Variants in RBFOX1 observed in about 807,000 individuals in gnomAD.
RBFOX1 encodes RNA binding fox-1 homolog 1, also known as RNA binding protein fox-1 homolog 1.
RBFOX1 carries 8 observed loss-of-function variants against 57.7 expected under a neutral mutation model. That is an observed-to-expected ratio of 0.14 (90% CI 0.08 to 0.25). The LOEUF is 0.25. RBFOX1 is among the 10% of genes least tolerant of loss of function. RBFOX1 has a pLI of 1.00. For missense variants in RBFOX1, 611 were observed against 548.5 expected (o/e 1.11, Z -1.14); for synonymous variants, 326 against 222.4 (o/e 1.47, Z -4.15).
intron 4 of RBFOX1, among the ~76,000 whole-genome samples, chr16:7,198,014 T>TTTTTTTTC (rs1183773661): frequency 3.7e-5 from 5 of 133,646 alleles, no homozygotes; most frequent in African/African-American, 1.4e-4. Flanking sequence ...TTTTTTTTTT[T>TTTTTTTTC]TTTTTTTTTG....
chr16:6,906,673 A>G (rs1487189782), intron 3 of RBFOX1, among the ~76,000 whole-genome samples: 1 of 152,060 alleles, frequency 6.6e-6, no homozygotes, highest in Non-Finnish European at 1.5e-5. Context: ...TGGGACTTAA[A>G]AAGAGCCTAG....
chr16:7,313,866 C>T (rs1159399070), intron 4 of RBFOX1, among the ~76,000 whole-genome samples: 1 of 152,130 alleles, frequency 6.6e-6, no homozygotes, highest in East Asian at 1.9e-4. Flanking sequence ...TCCTCCTCCT[C>T]ACTGTGCCGG....
chr16:6,560,780 G>C (rs928611547), intron 2 of RBFOX1, among the ~76,000 whole-genome samples: 1 of 152,200 alleles, frequency 6.6e-6, no homozygotes, highest in Admixed American at 6.5e-5. Flanking sequence ...CTCTCTCATA[G>C]ACTGTAGGCC....
In RBFOX1 at chr16:6,715,550, G is replaced by A. The variant is rs17141059; in HGVS notation, c.-16+60900G>A. ...CTAACGGAACTTTATTGCCTCCATC[G>A]CTGAAAACTCCCGAAGAGTCTTAAG... On this transcript the variant is annotated intron_variant, in intron 3 of 15. Transcript: ENST00000550418. 9.2e-3 allele frequency among the ~76,000 whole-genome samples: 1,396 copies of A among 152,170 alleles called. 11 individuals are homozygous for A. Among genetic ancestry groups the A allele is most frequent in the African/African-American group, 0.029 (1,188 of 41,510 alleles).
At chr16:7,094,024 A>ATT (rs2061295707) in intron 4 of RBFOX1, among the ~76,000 whole-genome samples, 1 of 151,326 alleles carries the variant, frequency 6.6e-6, no homozygotes, top group East Asian at 1.9e-4. Flanking sequence ...TTTTAAACAT[A>ATT]GTAATTGGTC....
intron 4 of RBFOX1, among the ~76,000 whole-genome samples, chr16:7,298,284 TG>T (rs138799706): frequency 2.9e-4 from 40 of 139,580 alleles, no homozygotes; most frequent in South Asian, 1.2e-3. Flanking sequence ...GGTTTTTTTT[TG>T]TTTTTTTTTT....
At chr16:5,483,776 A>G (rs559785485) in intron 2 of RBFOX1, among the ~76,000 whole-genome samples, 1 of 152,268 alleles carries the variant, frequency 6.6e-6, no homozygotes, top group African/African-American at 2.4e-5. Context: ...AGCGGTTTAA[A>G]ACAACAGACA....
chr16:6,009,334 G>A (rs1022424278), intron 4 of RBFOX1, among the ~76,000 whole-genome samples: 4 of 152,182 alleles, frequency 2.6e-5, no homozygotes, highest in African/African-American at 7.2e-5. Context: ...GAGTCAAGTA[G>A]GGCTTTGATA....
chr16:5,934,821 G>C (rs1310924628), intron 4 of RBFOX1, among the ~76,000 whole-genome samples: 1 of 152,244 alleles, frequency 6.6e-6, no homozygotes, highest in African/African-American at 2.4e-5. Flanking sequence ...CTGATATTCA[G>C]TGAAAGAGCA....
chr16:6,519,357 A>G (rs1327364167), intron 2 of RBFOX1, among the ~76,000 whole-genome samples: 2 of 152,144 alleles, frequency 1.3e-5, no homozygotes, highest in East Asian at 1.9e-4. Flanking sequence ...AATACTGTAC[A>G]TGGGGATATA....
At chr16:6,976,941 T>C (rs1170578139) in intron 3 of RBFOX1, among the ~76,000 whole-genome samples, 1 of 147,302 alleles carries the variant, frequency 6.8e-6, no homozygotes, top group South Asian at 2.1e-4. Context: ...ATATATCATA[T>C]ACTATATATC....
chr16:6,698,072 T>C (rs1344532901), intron 3 of RBFOX1, among the ~76,000 whole-genome samples: 2 of 152,202 alleles, frequency 1.3e-5, no homozygotes, highest in East Asian at 1.9e-4. Context: ...GTCTGTGAAT[T>C]TGGAGTTATT....
At chr16:7,031,050 T>C (rs1339369180) in intron 3 of RBFOX1, among the ~76,000 whole-genome samples, 1 of 152,198 alleles carries the variant, frequency 6.6e-6, no homozygotes, top group East Asian at 1.9e-4. Context: ...TGGTGTATGA[T>C]GCTGATGCTG....
intron 3 of RBFOX1, among the ~76,000 whole-genome samples, chr16:7,047,312 A>G: frequency 6.6e-6 from 1 of 152,142 alleles, no homozygotes; most frequent in East Asian, 1.9e-4. Context: ...CATTGGATGT[A>G]GTATTCTCAG....
intron 1 of RBFOX1, among the ~76,000 whole-genome samples, chr16:6,311,437 G>A (rs1389658153): frequency 7.9e-5 from 12 of 152,138 alleles, no homozygotes; most frequent in Non-Finnish European, 1.6e-4. Context: ...ATCTGATGTG[G>A]GGATGGGATG....
chr16:5,749,136 G>A (rs1024246848), intron 3 of RBFOX1, among the ~76,000 whole-genome samples: 14 of 152,124 alleles, frequency 9.2e-5, no homozygotes, highest in Non-Finnish European at 2.1e-4. Context: ...ATGAAGCTTA[G>A]TTTTGCTGGA....
intron 3 of RBFOX1, among the ~76,000 whole-genome samples, chr16:6,945,808 C>T (rs923611266): frequency 6.6e-6 from 1 of 152,158 alleles, no homozygotes; most frequent in African/African-American, 2.4e-5. Context: ...GGAGAATCGC[C>T]TGAACCCAGG....
At chr16:7,105,607 C>T (rs1023921783) in intron 4 of RBFOX1, among the ~76,000 whole-genome samples, 4 of 152,038 alleles carry the variant, frequency 2.6e-5, no homozygotes, top group South Asian at 4.1e-4. Context: ...AGTTAGTCTG[C>T]AATCTCATCC....
At chr16:6,563,307 C>T (rs1255683134) in intron 2 of RBFOX1, among the ~76,000 whole-genome samples, 2 of 152,162 alleles carry the variant, frequency 1.3e-5, no homozygotes, top group Non-Finnish European at 1.5e-5. Context: ...TTACTGAGAG[C>T]TTACAATGGG....
Sources: gnomAD v4.1 joint callset for allele counts (sites outside exome capture counted in the v4.1 genomes callset) on GRCh38, gnomAD v4.1.1 for gene constraint, MANE v1.5 for transcripts, NCBI Gene and HGNC (gene_info 2026-07-23, HGNC 2026-07-21) for gene names.